Variants in TAFA1 observed in about 807,000 individuals in gnomAD.
The protein encoded by TAFA1 is TAFA chemokine like family member 1.
TAFA1 carries 4 observed loss-of-function variants against 18.5 expected under a neutral mutation model. That is an observed-to-expected ratio of 0.22 (90% confidence interval 0.11 to 0.49). The LOEUF is 0.49. Among genes scored for constraint, TAFA1 ranks in the 20% least tolerant of loss-of-function variants. The pLI, the probability that TAFA1 is intolerant of heterozygous loss-of-function variation, is 0.98. For synonymous variants in TAFA1, 56 were observed against 55.2 expected, an observed-to-expected ratio of 1.01 and a Z score of -0.06; for missense variants, 147 against 169.0, an observed-to-expected ratio of 0.87 and a Z score of 0.72.
chr3:68,106,251 A>G (rs1400330126), intron 2 of TAFA1, among the ~76,000 whole-genome samples: 1 of 152,078 alleles, frequency 6.6e-6, no homozygotes, highest in East Asian at 1.9e-4. Flanking sequence ...ATAAAATACT[A>G]AATATAAAAT....
chr3:68,120,888 C>G (rs1357290876), intron 2 of TAFA1, among the ~76,000 whole-genome samples: 1 of 152,126 alleles, frequency 6.6e-6, no homozygotes, highest in Admixed American at 6.5e-5. Context: ...GTACCTATCA[C>G]CTTTAGGAAT....
the TAFA1 span, among the ~76,000 whole-genome samples, chr3:67,997,012 A>G: frequency 3.9e-5 from 6 of 152,142 alleles, no homozygotes; most frequent in African/African-American, 1.4e-4. Flanking sequence ...TGGGAGGCCA[A>G]GAGAAACTCC....
At chr3:68,052,271 G>T (rs1461533435) in intron 2 of TAFA1, among the ~76,000 whole-genome samples, 5 of 151,998 alleles carry the variant, frequency 3.3e-5, no homozygotes, top group Non-Finnish European at 5.9e-5. Flanking sequence ...AGATGAATTT[G>T]CTAGAGAATT....
At chr3:68,225,420 C>G (rs1233526273) in intron 2 of TAFA1, among the ~76,000 whole-genome samples, 1 of 152,100 alleles carries the variant, frequency 6.6e-6, no homozygotes. Flanking sequence ...TAGAGAGCAA[C>G]AGTCAAAATA....
chr3:68,017,750 C>T (rs1436273420), intron 2 of TAFA1, among the ~76,000 whole-genome samples: 2 of 152,208 alleles, frequency 1.3e-5, no homozygotes, highest in African/African-American at 2.4e-5. Flanking sequence ...AGTTGAAAAA[C>T]TTACTTTGTA....
rs191491640 is a variant in TAFA1, at chr3:68,010,295, A to T, written c.118+3551A>T. Among the ~76,000 whole-genome samples, 4 of 152,312 alleles carry T rather than the reference A, an allele frequency of 2.6e-5. No homozygotes were observed. The South Asian group carries it at 8.3e-4, about 32-fold the overall frequency. ...ATGGTAATATTGATGGTATTCAGAC[A>T]GCAAACAGCCAATTTCAGTCTCTCA... On this transcript the variant is annotated intron_variant, in intron 2 of 4. Transcript: ENST00000478136.
chr3:68,084,813 C>A (rs929141143), intron 2 of TAFA1, among the ~76,000 whole-genome samples: 136 of 149,898 alleles, frequency 9.1e-4, no homozygotes, highest in African/African-American at 2.9e-3. Flanking sequence ...AAAAAAAAAA[C>A]CAAAAAAACC....
chr3:68,167,917 A>G (rs1354652702), intron 2 of TAFA1, among the ~76,000 whole-genome samples: 1 of 152,134 alleles, frequency 6.6e-6, no homozygotes, highest in Non-Finnish European at 1.5e-5. Context: ...AATTCCCAGG[A>G]CAAAGCTTAA....
intron 2 of TAFA1, among the ~76,000 whole-genome samples, chr3:68,321,997 C>T (rs1238683925): frequency 2.6e-5 from 4 of 152,094 alleles, no homozygotes; most frequent in African/African-American, 9.7e-5. Flanking sequence ...AGTTTTTTTC[C>T]CACAGCTGCA....
At chr3:68,080,517 A>G (rs962915323) in intron 2 of TAFA1, among the ~76,000 whole-genome samples, 2 of 152,172 alleles carry the variant, frequency 1.3e-5, no homozygotes, top group African/African-American at 2.4e-5. Flanking sequence ...TGGTGGTGAC[A>G]AAATCTCTCA....
At chr3:68,103,118 A>G (rs1451998491) in intron 2 of TAFA1, among the ~76,000 whole-genome samples, 2 of 152,226 alleles carry the variant, frequency 1.3e-5, no homozygotes, top group African/African-American at 4.8e-5. Context: ...GTCCAAAGTC[A>G]TGTGTTCTGT....
intron 2 of TAFA1, among the ~76,000 whole-genome samples, chr3:68,087,663 C>T (rs1212690773): frequency 6.6e-6 from 1 of 151,364 alleles, no homozygotes; most frequent in East Asian, 1.9e-4. Flanking sequence ...TCCATATATC[C>T]ATCCATCCTT....
chr3:68,228,575 T>C (rs953847273), intron 2 of TAFA1, among the ~76,000 whole-genome samples: 3 of 152,380 alleles, frequency 2.0e-5, no homozygotes, highest in Admixed American at 2.0e-4. Flanking sequence ...TGCTTAGTTA[T>C]TGATTTTCTT....
chr3:68,210,969 A>C (rs761198644), intron 2 of TAFA1, among the ~76,000 whole-genome samples: 57 of 152,110 alleles, frequency 3.7e-4, no homozygotes, highest in Non-Finnish European at 7.2e-4. Context: ...GACAACCCAC[A>C]CACTTAACTT....
chr3:68,318,786 G>T (rs1176397312), intron 2 of TAFA1, among the ~76,000 whole-genome samples: 1 of 152,020 alleles, frequency 6.6e-6, no homozygotes, highest in Non-Finnish European at 1.5e-5. Context: ...GGTCTAAGTA[G>T]GCTTATTTAC....
At chr3:68,318,717 A>C (rs1327389250) in intron 2 of TAFA1, among the ~76,000 whole-genome samples, 1 of 152,256 alleles carries the variant, frequency 6.6e-6, no homozygotes, top group Non-Finnish European at 1.5e-5. Context: ...GTTAAGTTAC[A>C]TGAAAACATG....
chr3:68,061,651 A>C (rs2064603684), intron 2 of TAFA1, among the ~76,000 whole-genome samples: 1 of 152,260 alleles, frequency 6.6e-6, no homozygotes, highest in Non-Finnish European at 1.5e-5. Context: ...CATTTTGCAT[A>C]GGTCATAAGC....
intron 2 of TAFA1, among the ~76,000 whole-genome samples, chr3:68,128,466 T>C (rs1325183679): frequency 6.6e-6 from 1 of 152,198 alleles, no homozygotes; most frequent in African/African-American, 2.4e-5. Context: ...ATGAACAAGC[T>C]GATGTTGTGT....
At chr3:68,376,662 G>A (rs998572236) in intron 2 of TAFA1, among the ~76,000 whole-genome samples, 1 of 152,136 alleles carries the variant, frequency 6.6e-6, no homozygotes, top group Non-Finnish European at 1.5e-5. Context: ...ACCATGAGGG[G>A]CATTTAAGTT....
Sources: gnomAD v4.1 joint callset for allele counts (sites outside exome capture counted in the v4.1 genomes callset) on GRCh38, gnomAD v4.1.1 for gene constraint, MANE v1.5 for transcripts, NCBI Gene and HGNC (gene_info 2026-07-23, HGNC 2026-07-21) for gene names.